KCNH8: variants seen among roughly 807,000 people sequenced by gnomAD.
KCNH8 encodes potassium voltage-gated channel subfamily H member 8, also known as voltage-gated delayed rectifier potassium channel KCNH8.
In KCNH8, 70 loss-of-function variants were observed where a neutral mutation model predicts 103.6. The observed-to-expected ratio is 0.68, with a 90% CI of 0.56 to 0.82. The LOEUF (loss-of-function observed/expected upper bound fraction) is 0.82, where lower values mean the gene tolerates loss of function less well. KCNH8 is among the 40% of genes least tolerant of loss of function. The probability of loss-of-function intolerance (pLI) is 0.00; values close to 1 mark genes in which losing one functional copy is unlikely to be tolerated. For synonymous variants in KCNH8, 498 were observed against 489.4 expected (o/e 1.02, Z -0.23); for missense variants, 1,217 against 1,329.9 (o/e 0.92, Z 1.32).
chr3:19,521,194 G>C (rs1386278928), intron 15 of KCNH8, among the ~76,000 whole-genome samples: 1 of 152,008 alleles, frequency 6.6e-6, no homozygotes, highest in Admixed American at 6.6e-5. Flanking sequence ...GACCCAGAAA[G>C]ATACAGAGGC....
rs537994040 is a variant in KCNH8, at chr3:19,352,697, C to T, written c.811+4732C>T. Among the ~76,000 whole-genome samples, 213 of 152,224 alleles carry T rather than the reference C, an allele frequency of 1.4e-3. 2 individuals carry two copies. The highest frequency in any genetic ancestry group is 4.9e-3 in the African/African-American group (202 of 41,534). The stretch of plus-strand genomic sequence containing the variant: ...TCTTTGAAACCAGTGAGAACAAAGA[C>T]ACAACATACCAGAATCTCTGGGACA... On this transcript the variant is annotated intron_variant, in intron 5 of 15. Coordinates refer to ENST00000328405, the MANE Select transcript of KCNH8 (RefSeq NM_144633.3).
chr3:19,243,062 G>A (rs188860052), intron 1 of KCNH8, among the ~76,000 whole-genome samples: 162 of 152,248 alleles, frequency 1.1e-3, no homozygotes, highest in Non-Finnish European at 1.5e-3. Flanking sequence ...GACACTTACC[G>A]TAAGATGCTA....
At chr3:19,511,515 T>TTAAG (rs1466022756) in intron 12 of KCNH8, among the ~76,000 whole-genome samples, 1 of 152,194 alleles carries the variant, frequency 6.6e-6, no homozygotes, top group African/African-American at 2.4e-5. Context: ...ATTTCTTAGA[T>TTAAG]TAAGTTTGCC....
chr3:19,238,037 C>T (rs2064087732), intron 1 of KCNH8, among the ~76,000 whole-genome samples: 2 of 152,172 alleles, frequency 1.3e-5, no homozygotes, highest in Non-Finnish European at 2.9e-5. Flanking sequence ...GGACACAATT[C>T]AAAAAGCATG....
At chr3:19,376,707 T>C (rs1290220629) in intron 5 of KCNH8, among the ~76,000 whole-genome samples, 4 of 152,236 alleles carry the variant, frequency 2.6e-5, no homozygotes, top group Non-Finnish European at 5.9e-5. Context: ...GTAATTTTGG[T>C]GCTATTTCTT....
chr3:19,499,387 C>T (rs1327792999), intron 11 of KCNH8, among the ~76,000 whole-genome samples: 1 of 152,128 alleles, frequency 6.6e-6, no homozygotes, highest in African/African-American at 2.4e-5. Context: ...TCCAGGAGAA[C>T]TTCCCCAATC....
At chr3:19,251,089 TAA>T (rs919721173) in intron 1 of KCNH8, among the ~76,000 whole-genome samples, 1 of 152,112 alleles carries the variant, frequency 6.6e-6, no homozygotes, top group African/African-American at 2.4e-5. Flanking sequence ...ACACTATTGT[TAA>T]AGTGACCCAA....
At chr3:19,220,793 A>G (rs2063866396) in intron 1 of KCNH8, among the ~76,000 whole-genome samples, 1 of 150,720 alleles carries the variant, frequency 6.6e-6, no homozygotes, top group East Asian at 1.9e-4. Context: ...TTCTCATCCT[A>G]TCAGTGTTAT....
At chr3:19,452,017 G>A (rs2125184574) in intron 10 of KCNH8, among the ~76,000 whole-genome samples, 1 of 152,200 alleles carries the variant, frequency 6.6e-6, no homozygotes, top group South Asian at 2.1e-4. Context: ...AAATATAAAA[G>A]GCAGTTGACA....
chr3:19,432,128 A>G (rs2067132164), intron 7 of KCNH8, among the ~76,000 whole-genome samples: 1 of 152,180 alleles, frequency 6.6e-6, no homozygotes, highest in Admixed American at 6.5e-5. Flanking sequence ...TTTGTATACA[A>G]TATTCAAGCA....
chr3:19,197,461 A>C (rs1317220963), intron 1 of KCNH8, among the ~76,000 whole-genome samples: 1 of 152,120 alleles, frequency 6.6e-6, no homozygotes, highest in Admixed American at 6.6e-5. Flanking sequence ...TCTAAAAGTT[A>C]GCACGTGTCT....
intron 7 of KCNH8, among the ~76,000 whole-genome samples, chr3:19,423,152 A>G (rs1383821849): frequency 6.6e-6 from 1 of 152,080 alleles, no homozygotes; most frequent in Non-Finnish European, 1.5e-5. Context: ...TCATGATTGT[A>G]CATTTGTTGG....
At chr3:19,457,464 A>C (rs2067551829) in intron 11 of KCNH8, among the ~76,000 whole-genome samples, 1 of 152,174 alleles carries the variant, frequency 6.6e-6, no homozygotes, top group Non-Finnish European at 1.5e-5. Flanking sequence ...ATTCAAGCGA[A>C]GGATTGTCAC....
intron 1 of KCNH8, among the ~76,000 whole-genome samples, chr3:19,181,857 T>G (rs2063456267): frequency 6.6e-6 from 1 of 152,176 alleles, no homozygotes; most frequent in South Asian, 2.1e-4. Flanking sequence ...AGAAATCTTG[T>G]TACAAAACTG....
intron 2 of KCNH8, among the ~76,000 whole-genome samples, chr3:19,265,962 C>T (rs1449378926): frequency 6.6e-6 from 1 of 152,044 alleles, no homozygotes; most frequent in Non-Finnish European, 1.5e-5. Flanking sequence ...CAATTTTGGT[C>T]CAGAGCTACA....
intron 1 of KCNH8, among the ~76,000 whole-genome samples, chr3:19,246,730 G>C (rs2064211600): frequency 6.6e-6 from 1 of 152,018 alleles, no homozygotes; most frequent in South Asian, 2.1e-4. Flanking sequence ...GATCTTTCCA[G>C]TGCTATTCTA....
At chr3:19,216,609 A>G (rs1457200528) in intron 1 of KCNH8, among the ~76,000 whole-genome samples, 1 of 152,122 alleles carries the variant, frequency 6.6e-6, no homozygotes, top group Non-Finnish European at 1.5e-5. Context: ...TACTACTAAA[A>G]TGTGTTAGAG....
chr3:19,338,590 A>G (rs542960723), intron 3 of KCNH8, among the ~76,000 whole-genome samples: 45 of 152,218 alleles, frequency 3.0e-4, no homozygotes, highest in African/African-American at 8.4e-4. Context: ...TACTAATACC[A>G]TTTAGTAAGG....
intron 15 of KCNH8, 94 bp from the exon 16 acceptor site, chr3:19,533,301 G>T: frequency 1.3e-6 from 1 of 759,622 alleles, no homozygotes; most frequent in Non-Finnish European, 2.2e-6. Flanking sequence ...AAAGAAAACC[G>T]AAAGAAATAT....
Sources: gnomAD v4.1 joint callset for allele counts (sites outside exome capture counted in the v4.1 genomes callset) on GRCh38, gnomAD v4.1.1 for gene constraint, MANE v1.5 for transcripts, NCBI Gene and HGNC (gene_info 2026-07-23, HGNC 2026-07-21) for gene names.